STXBP5L: variants seen among roughly 807,000 people sequenced by gnomAD.
STXBP5L encodes the protein syntaxin binding protein 5L.
STXBP5L carries 65 observed loss-of-function variants against 144.5 expected under a neutral mutation model. That is an observed-to-expected ratio of 0.45 (90% CI 0.37 to 0.55). The LOEUF (loss-of-function observed/expected upper bound fraction) is 0.55, where lower values mean the gene tolerates loss of function less well. Ranked by LOEUF, STXBP5L falls within the 20% of genes least tolerant of loss-of-function variation. STXBP5L has a pLI of 0.00. For synonymous variants in STXBP5L, 505 were observed against 469.6 expected (o/e 1.08, Z -0.97); for missense variants, 1,298 against 1,405.5 (o/e 0.92, Z 1.22).
At chr3:121,299,376 A>G (rs898251792) in intron 19 of STXBP5L, among the ~76,000 whole-genome samples, 6 of 152,148 alleles carry the variant, frequency 3.9e-5, no homozygotes, top group African/African-American at 1.4e-4. Flanking sequence ...TAACATTTAA[A>G]CATCTTTATG....
intron 9 of STXBP5L, among the ~76,000 whole-genome samples, chr3:121,194,176 A>G (rs1339627151): frequency 6.6e-6 from 1 of 152,124 alleles, no homozygotes; most frequent in Non-Finnish European, 1.5e-5. Flanking sequence ...ACCTATTACC[A>G]GTTACTCCCC....
intron 5 of STXBP5L, among the ~76,000 whole-genome samples, chr3:121,059,430 T>C (rs562768555): frequency 6.6e-6 from 1 of 152,284 alleles, no homozygotes; most frequent in East Asian, 1.9e-4. Flanking sequence ...TTGTTCTTTT[T>C]GCTTAGGATT....
chr3:121,166,239 C>T (rs1290483358), intron 9 of STXBP5L, among the ~76,000 whole-genome samples: 2 of 152,136 alleles, frequency 1.3e-5, no homozygotes, highest in Non-Finnish European at 2.9e-5. Context: ...TTCTTGGGCT[C>T]AAATGATCCT....
chr3:120,954,445 T>G (rs191407580), intron 2 of STXBP5L, among the ~76,000 whole-genome samples: 1 of 152,142 alleles, frequency 6.6e-6, no homozygotes, highest in Non-Finnish European at 1.5e-5. Context: ...TAGCATAGTT[T>G]TTTTTGAGAA....
intron 2 of STXBP5L, among the ~76,000 whole-genome samples, chr3:120,913,323 T>C (rs1437167033): frequency 6.6e-6 from 1 of 151,980 alleles, no homozygotes; most frequent in Non-Finnish European, 1.5e-5. Context: ...ACCTCCCCAT[T>C]CTTAGAGAAT....
At chr3:121,036,772 A>ATTTTTTTTTTTTTTTTTTTTTTT (rs3863971) in intron 3 of STXBP5L, among the ~76,000 whole-genome samples, 1 of 122,224 alleles carries the variant, frequency 8.2e-6, no homozygotes, top group Non-Finnish European at 1.7e-5. Flanking sequence ...ACATTGATTG[A>ATTTTTTTTTTTTTTTTTTTTTTT]TTTTTTTTTT....
Position 121,248,144 on chromosome 3 carries a change from A to G in STXBP5L, c.1401-2579A>G, listed in dbSNP as rs190500419. Among the ~76,000 whole-genome samples the G allele has an allele frequency of 2.6e-3, 403 of 152,152 alleles. 5 individuals carry two copies. Among genetic ancestry groups the G allele is most frequent in the African/African-American group, 9.0e-3 (374 of 41,512 alleles). ...AGTGGCACAGTCTCGGCTCACTACA[A>G]TCTCTGTCTCCTGAGCTCAAGCAAT... On this transcript the variant is annotated intron_variant, in intron 14 of 26. Coordinates refer to ENST00000471454, the MANE Select transcript of STXBP5L (RefSeq NM_001308330.2).
At position 121,208,376 on chromosome 3, in the gene STXBP5L, T is replaced by C. The variant is rs1212666465; in HGVS notation, c.956+2375T>C. ...GAAGGATAGTATTAGGAGATATATC[T>C]AATGTAAATGAGGAGTTAATGGGTG... On this transcript the variant is annotated intron_variant, in intron 10 of 26. Coordinates refer to ENST00000471454, the MANE Select transcript of STXBP5L (RefSeq NM_001308330.2). Among the ~76,000 whole-genome samples the C allele has an allele frequency of 2.0e-5, 3 of 151,886 alleles. No individual in the cohort carries two copies. The East Asian group carries it at 5.8e-4, about 29-fold the overall frequency.
chr3:121,121,073 A>G lies in STXBP5L; in HGVS notation c.606-568A>G, dbSNP rs1224823879. Reference sequence around the variant, plus strand: ...ATAATTATCTGTTATTTATTATACTAAATAACCTGATAAGTGTGGTATAAC... The same window carrying G: ...ATAATTATCTGTTATTTATTATACTGAATAACCTGATAAGTGTGGTATAAC... On this transcript the variant is annotated intron_variant, in intron 6 of 26. Transcript: ENST00000471454. 2.0e-5 allele frequency among the ~76,000 whole-genome samples: 3 copies of G among 151,470 alleles called. No individual in the cohort carries two copies. The East Asian group carries it at 5.8e-4, about 29-fold the overall frequency.
intron 19 of STXBP5L, among the ~76,000 whole-genome samples, chr3:121,313,505 T>G (rs1250951739): frequency 9.0e-5 from 2 of 22,340 alleles, no homozygotes; most frequent in Non-Finnish European, 1.5e-4. Flanking sequence ...CACTTCCCAG[T>G]AGGGGCGGCC....
intron 9 of STXBP5L, among the ~76,000 whole-genome samples, chr3:121,159,525 T>C (rs1412326039): frequency 2.0e-5 from 3 of 152,098 alleles, no homozygotes; most frequent in African/African-American, 7.2e-5. Context: ...CCAGAGAATA[T>C]GACATAACTA....
chr3:120,953,071 A>G (rs1711375208), intron 2 of STXBP5L, among the ~76,000 whole-genome samples: 1 of 151,782 alleles, frequency 6.6e-6, no homozygotes, highest in Non-Finnish European at 1.5e-5. Flanking sequence ...AAGTGCTGGG[A>G]TTACAGGTGC....
chr3:121,257,677 C>T (rs894749450), intron 17 of STXBP5L, among the ~76,000 whole-genome samples: 2 of 152,162 alleles, frequency 1.3e-5, no homozygotes, highest in Non-Finnish European at 2.9e-5. Context: ...GTATTCCCAA[C>T]ACTTTGGGAG....
chr3:121,093,014 C>A (rs1012952533), intron 5 of STXBP5L, among the ~76,000 whole-genome samples: 2 of 152,180 alleles, frequency 1.3e-5, no homozygotes, highest in African/African-American at 4.8e-5. Context: ...GCCTTTTCTG[C>A]AGCTATTGAG....
At chr3:121,397,448 C>T (rs942332750) in intron 22 of STXBP5L, among the ~76,000 whole-genome samples, 5 of 152,192 alleles carry the variant, frequency 3.3e-5, no homozygotes, top group Admixed American at 2.6e-4. Flanking sequence ...TCCTCTAACG[C>T]CTCCAGTTTC....
At position 121,269,259 on chromosome 3, in the gene STXBP5L, C is replaced by T. The variant is rs114251419; in HGVS notation, c.1958+10091C>T. Among the ~76,000 whole-genome samples, 174 of 152,244 alleles carry T rather than the reference C, an allele frequency of 1.1e-3. 1 individual carries two copies. Among genetic ancestry groups the T allele is most frequent in the African/African-American group, 3.9e-3 (162 of 41,550 alleles). ...AATTTTCAAGGATTAATGTGGTTAA[C>T]TTTAGTTAACTCAGTGGCCTTACTA... On this transcript the variant is annotated intron_variant, in intron 18 of 26. Transcript: ENST00000471454.
In STXBP5L at chr3:121,093,882, C is replaced by G. The variant is rs565583402; in HGVS notation, c.471-21043C>G. Among the ~76,000 whole-genome samples, 463 of 152,266 alleles carry G rather than the reference C, an allele frequency of 3.0e-3. 3 individuals carry two copies. The highest frequency in any genetic ancestry group is 0.01 in the African/African-American group (432 of 41,552). Reference sequence around the variant, plus strand: ...TGATGTTAGGGTGTCAATTTTGGATCTTTCCTGCTTTCTCTTGTGGGCATT... The same window carrying G: ...TGATGTTAGGGTGTCAATTTTGGATGTTTCCTGCTTTCTCTTGTGGGCATT... On this transcript the variant is annotated intron_variant, in intron 5 of 26. Transcript: ENST00000471454.
intron 3 of STXBP5L, among the ~76,000 whole-genome samples, chr3:120,964,749 T>G (rs1392198662): frequency 6.6e-6 from 1 of 152,162 alleles, no homozygotes; most frequent in Non-Finnish European, 1.5e-5. Flanking sequence ...TATATTCTGT[T>G]GATTTGGGGT....
At chr3:121,334,833 T>C (rs1315837481) in intron 20 of STXBP5L, among the ~76,000 whole-genome samples, 1 of 152,190 alleles carries the variant, frequency 6.6e-6, no homozygotes, top group Non-Finnish European at 1.5e-5. Flanking sequence ...AAGTCATCTA[T>C]GACAAACCCA....
Sources: gnomAD v4.1 joint callset for allele counts (sites outside exome capture counted in the v4.1 genomes callset) on GRCh38, gnomAD v4.1.1 for gene constraint, MANE v1.5 for transcripts, NCBI Gene and HGNC (gene_info 2026-07-23, HGNC 2026-07-21) for gene names.